LIMS4: variants seen among roughly 807,000 people sequenced by gnomAD.
LIMS4 encodes the protein LIM and senescent cell antigen-like-containing domain protein 4.
At chr2:110,386,770 C>T in the LIMS4 span, 10 of 722,948 alleles carry the variant, frequency 1.4e-5, no homozygotes, top group Middle Eastern at 3.3e-4. Context: ...CCCAAAGGCT[C>T]GGCGAGCACA....
At chr2:110,362,073 G>A in the LIMS4 span, 53 of 1,218,536 alleles carry the variant, frequency 4.3e-5, 6 homozygotes, top group South Asian at 6.7e-4. Context: ...CAGGTTTAAG[G>A]AGATTTGTGC....
chr2:110,367,500 T>C, the LIMS4 span, among the ~76,000 whole-genome samples: 2 of 139,850 alleles, frequency 1.4e-5, 1 homozygote, highest in East Asian at 4.1e-4. Context: ...ATTCAATAAA[T>C]GATTCCAGGA....
chr2:110,386,782 C>G, the LIMS4 span: 2 of 708,518 alleles, frequency 2.8e-6, no homozygotes, highest in Non-Finnish European at 5.1e-6. Context: ...GCGAGCACAG[C>G]GGCAGCACCA....
At chr2:110,382,055 G>A in the LIMS4 span, among the ~76,000 whole-genome samples, 2 of 24,748 alleles carry the variant, frequency 8.1e-5, no homozygotes, top group Non-Finnish European at 1.3e-4. Context: ...AACAGAGTAA[G>A]ACTCCGTCTC....
chr2:110,371,252 A>AC, the LIMS4 span, among the ~76,000 whole-genome samples: 33 of 128,476 alleles, frequency 2.6e-4, 3 homozygotes, highest in African/African-American at 1.2e-3. Context: ...AAAAAAAAAA[A>AC]AAACAAGTCT....
chr2:110,382,179 T>C, the LIMS4 span, among the ~76,000 whole-genome samples: 1 of 43,522 alleles, frequency 2.3e-5, no homozygotes, highest in Non-Finnish European at 4.0e-5. Context: ...AAGTCAATAG[T>C]AAAAAAGAAA....
intron 5 of LIMS4, among the ~76,000 whole-genome samples, chr2:110,453,695 C>A (rs1304899050): frequency 6.6e-6 from 1 of 152,244 alleles, no homozygotes; most frequent in Non-Finnish European, 1.5e-5. Context: ...CGCCCGCCAC[C>A]GTGCCCGGCT....
chr2:110,423,030 C>CGAG, the LIMS4 span, among the ~76,000 whole-genome samples: 2 of 148,572 alleles, frequency 1.3e-5, no homozygotes, highest in Non-Finnish European at 2.9e-5. Flanking sequence ...GTCCTGCCTC[C>CGAG]CTCTCCACTG....
chr2:110,425,273 G>A, the LIMS4 span, among the ~76,000 whole-genome samples: 1 of 143,152 alleles, frequency 7.0e-6, no homozygotes, highest in Non-Finnish European at 1.5e-5. Context: ...TAGTGGGCTA[G>A]TCTAGGCAGA....
the LIMS4 span, among the ~76,000 whole-genome samples, chr2:110,372,804 CCTGCAGA>C: frequency 1.4e-5 from 2 of 147,926 alleles, no homozygotes; most frequent in Non-Finnish European, 2.9e-5. Flanking sequence ...CCGCGTCCAG[CCTGCAGA>C]TGTCTTTAAA....
chr2:110,386,705 G>A, the LIMS4 span: 2 of 806,320 alleles, frequency 2.5e-6, no homozygotes, highest in South Asian at 1.5e-5. Flanking sequence ...GGGCTGCCAA[G>A]GAGCGTGGCT....
chr2:110,425,295 G>A, the LIMS4 span, among the ~76,000 whole-genome samples: 1 of 142,682 alleles, frequency 7.0e-6, no homozygotes, highest in South Asian at 2.2e-4. Context: ...ATGAAGGATG[G>A]CTTGAGCTTA....
At chr2:110,425,365 A>G in the LIMS4 span, among the ~76,000 whole-genome samples, 130 of 141,338 alleles carry the variant, frequency 9.2e-4, 6 homozygotes, top group Non-Finnish European at 7.6e-4. Context: ...GGGCAACAGC[A>G]ATACTGCTCT....
the LIMS4 span, among the ~76,000 whole-genome samples, chr2:110,367,786 G>C: frequency 0.048 from 6,736 of 141,568 alleles, 207 homozygotes; most frequent in Admixed American, 0.095. Flanking sequence ...AGAAGGCTGA[G>C]GTGGGAAGAT....
At chr2:110,392,374 G>C in the LIMS4 span, among the ~76,000 whole-genome samples, 1 of 150,952 alleles carries the variant, frequency 6.6e-6, no homozygotes, top group Non-Finnish European at 1.5e-5. Context: ...GGGAGGCAGA[G>C]CTTGCAGTGA....
chr2:110,365,897 C>G, the LIMS4 span, among the ~76,000 whole-genome samples: 2 of 147,856 alleles, frequency 1.4e-5, no homozygotes, highest in East Asian at 3.9e-4. Flanking sequence ...TTATGAACAC[C>G]TCTAGGCACA....
At chr2:110,362,088 G>A in the LIMS4 span, 3 of 1,054,960 alleles carry the variant, frequency 2.8e-6, 1 homozygote, top group Non-Finnish European at 4.3e-6. Context: ...TTGTGCTGAT[G>A]GATTCTCTGC....
the LIMS4 span, among the ~76,000 whole-genome samples, chr2:110,424,654 G>A: frequency 1.4e-5 from 2 of 144,160 alleles, no homozygotes; most frequent in African/African-American, 2.8e-5. Flanking sequence ...CTTGGTGCTA[G>A]GCCAAGCCAG....
the LIMS4 span, among the ~76,000 whole-genome samples, chr2:110,367,386 G>C: frequency 6.9e-6 from 1 of 144,584 alleles, no homozygotes; most frequent in Non-Finnish European, 1.5e-5. Context: ...CAGACACATA[G>C]ACCATTAGAA....
Sources: allele counts gnomAD v4.1 joint callset (sites outside exome capture counted in the v4.1 genomes callset), GRCh38; gene constraint gnomAD v4.1.1; transcripts MANE v1.5; gene names NCBI Gene and HGNC (gene_info 2026-07-23, HGNC 2026-07-21).